Variants in KCNN2 observed in about 807,000 individuals in gnomAD.
KCNN2 encodes small conductance calcium-activated potassium channel protein 2.
A neutral mutation model predicts 55.5 loss-of-function variants in KCNN2; 24 were observed. That is an observed-to-expected ratio of 0.43 (90% CI 0.31 to 0.61). KCNN2 has a LOEUF of 0.61. Among genes scored for constraint, KCNN2 ranks in the 20% least tolerant of loss-of-function variants. The probability of loss-of-function intolerance (pLI) is 0.08; values close to 1 mark genes in which losing one functional copy is unlikely to be tolerated. For missense variants in KCNN2, 754 were observed against 853.6 expected, an observed-to-expected ratio of 0.88 and a Z score of 1.45; for synonymous variants, 431 against 336.1, an observed-to-expected ratio of 1.28 and a Z score of -3.09.
In KCNN2 at chr5:114,312,012, C is replaced by T. The variant is rs1756399099; in HGVS notation, c.-184-48933C>T. Among the ~76,000 whole-genome samples the T allele has an allele frequency of 4.6e-5, 7 of 152,174 alleles. No individual in the cohort carries two copies. The South Asian group carries it at 1.0e-3, about 23-fold the overall frequency. Reference sequence around the variant, plus strand: ...CCAAACCTCACTATGAATTATTTACCTGTTATCCACTTCTTTTCATATCAG... The same window carrying T: ...CCAAACCTCACTATGAATTATTTACTTGTTATCCACTTCTTTTCATATCAG... On this transcript the variant is annotated intron_variant, in intron 2 of 10. Coordinates refer to the KCNN2 transcript ENST00000512097.
At chr5:114,137,519 A>G (rs1421227589) in intron 1 of KCNN2, among the ~76,000 whole-genome samples, 5 of 152,188 alleles carry the variant, frequency 3.3e-5, no homozygotes, top group Non-Finnish European at 5.9e-5. Flanking sequence ...AAAGTTGCCA[A>G]AAAGGGCCTA....
At chr5:114,297,258 C>T (rs1436879958) in intron 2 of KCNN2, among the ~76,000 whole-genome samples, 2 of 152,042 alleles carry the variant, frequency 1.3e-5, no homozygotes, top group African/African-American at 2.4e-5. Flanking sequence ...TTGGAGGTTA[C>T]AGTGAGCTGT....
intron 1 of KCNN2, among the ~76,000 whole-genome samples, chr5:114,085,436 ATT>A (rs370254017): frequency 1.3e-3 from 195 of 151,970 alleles, no homozygotes; most frequent in South Asian, 2.3e-3. Context: ...TAAGTATTTC[ATT>A]TTTTGGTGTT....
At chr5:114,105,264 A>G (rs1040367908) in intron 1 of KCNN2, among the ~76,000 whole-genome samples, 3 of 152,110 alleles carry the variant, frequency 2.0e-5, no homozygotes, top group Non-Finnish European at 2.9e-5. Context: ...ATCCCCATCA[A>G]TATAAATAAC....
At chr5:114,453,521 A>C (rs1490769544) in intron 3 of KCNN2, among the ~76,000 whole-genome samples, 3 of 152,208 alleles carry the variant, frequency 2.0e-5, no homozygotes, top group African/African-American at 7.2e-5. Flanking sequence ...TCTCAGTAGA[A>C]TCTTCCCTTT....
intron 1 of KCNN2, among the ~76,000 whole-genome samples, chr5:114,138,177 G>GAA (rs1395049595): frequency 6.6e-6 from 1 of 152,132 alleles, no homozygotes; most frequent in African/African-American, 2.4e-5. Flanking sequence ...TGAATCCAGT[G>GAA]AAAGTTCTGT....
intron 2 of KCNN2, among the ~76,000 whole-genome samples, chr5:114,402,288 C>T (rs1258923279): frequency 6.6e-6 from 1 of 152,138 alleles, no homozygotes; most frequent in African/African-American, 2.4e-5. Flanking sequence ...TCTTTAGTGA[C>T]CTTAGCAAGG....
intron 1 of KCNN2, among the ~76,000 whole-genome samples, chr5:114,126,731 A>G (rs1270869011): frequency 6.6e-6 from 1 of 152,184 alleles, no homozygotes; most frequent in Non-Finnish European, 1.5e-5. Context: ...TCATTAAGGA[A>G]TTAACTCAAA....
At chr5:114,440,102 C>A (rs142173750) in intron 3 of KCNN2, among the ~76,000 whole-genome samples, 1 of 152,130 alleles carries the variant, frequency 6.6e-6, no homozygotes, top group East Asian at 1.9e-4. Flanking sequence ...ACCATGAATT[C>A]TCTGTTTCTG....
intron 1 of KCNN2, among the ~76,000 whole-genome samples, chr5:114,127,514 C>T (rs908734439): frequency 3.9e-5 from 6 of 152,188 alleles, no homozygotes; most frequent in African/African-American, 1.4e-4. Context: ...CTAGGCTGCA[C>T]ACAGCAGGGG....
At chr5:114,204,569 C>G (rs1753732633) in intron 1 of KCNN2, among the ~76,000 whole-genome samples, 1 of 152,118 alleles carries the variant, frequency 6.6e-6, no homozygotes, top group African/African-American at 2.4e-5. Flanking sequence ...TTTTCCTCTT[C>G]CTGGATTTCC....
chr5:114,071,894 G>A (rs781283929), intron 1 of KCNN2, among the ~76,000 whole-genome samples: 2 of 152,104 alleles, frequency 1.3e-5, no homozygotes, highest in Non-Finnish European at 2.9e-5. Context: ...TGGGAGGTGG[G>A]GCCTCATAAA....
At chr5:114,162,215 C>T (rs553364227) in intron 1 of KCNN2, among the ~76,000 whole-genome samples, 383 of 152,330 alleles carry the variant, frequency 2.5e-3, no homozygotes, top group African/African-American at 8.9e-3. Flanking sequence ...AGTTTTCCTT[C>T]TGACAGTCAG....
rs532332092 is a variant in KCNN2 at position 114,493,510 on chromosome 5, T to C, written c.2088+38T>C. The C allele has an allele frequency of 5.7e-6, 8 of 1,400,904 alleles. No homozygotes were observed. In the African/African-American group the frequency reaches 1.1e-4, roughly 20 times the overall value. The allele number at this position is 1,400,904 out of a possible 1,614,324, so 86.8% of individuals were successfully genotyped here. On this transcript the variant is annotated intron_variant, in intron 7 of 7. Coordinates refer to ENST00000673685, the MANE Select transcript of KCNN2 (RefSeq NM_021614.4). ...TGCTTAGCCCTCCTAGTTGCATCTG[T>C]TGAAATCAACCACTTCACAGTCACT...
chr5:114,203,189 C>T (rs1191467877), intron 1 of KCNN2, among the ~76,000 whole-genome samples: 1 of 152,080 alleles, frequency 6.6e-6, no homozygotes, highest in Non-Finnish European at 1.5e-5. Flanking sequence ...ATTATTAGGT[C>T]TCTAATATTA....
intron 1 of KCNN2, among the ~76,000 whole-genome samples, chr5:114,098,602 C>T (rs528985480): frequency 3.9e-5 from 6 of 151,996 alleles, no homozygotes; most frequent in Non-Finnish European, 8.8e-5. Flanking sequence ...CTCCCCCCTG[C>T]ACAATTCCCC....
At position 114,124,527 on chromosome 5, in the gene KCNN2, A is replaced by T. The variant is rs558129933; in HGVS notation, c.-271+68027A>T. ...AGGGACATTGTGTGTGCCTTGGAGCATCAAAATTATTACAAGTAGAAGCTC... is the reference window on the plus strand; with the variant it reads ...AGGGACATTGTGTGTGCCTTGGAGCTTCAAAATTATTACAAGTAGAAGCTC... On this transcript the variant is annotated intron_variant, in intron 1 of 10. Coordinates refer to the KCNN2 transcript ENST00000512097. Among the ~76,000 whole-genome samples the T allele has an allele frequency of 8.9e-4, 135 of 152,244 alleles. 1 individual carries two copies. Among genetic ancestry groups the T allele is most frequent in the African/African-American group, 3.1e-3 (128 of 41,538 alleles).
intron 1 of KCNN2, among the ~76,000 whole-genome samples, chr5:114,200,796 C>G (rs4705636): frequency 0.43 from 65,851 of 151,736 alleles, 15,076 homozygotes; most frequent in Middle Eastern, 0.55. Flanking sequence ...GGTCAGTGGT[C>G]TCTGTGATTT....
At chr5:114,146,780 A>G (rs997711950) in intron 1 of KCNN2, among the ~76,000 whole-genome samples, 1 of 152,204 alleles carries the variant, frequency 6.6e-6, no homozygotes, top group African/African-American at 2.4e-5. Context: ...TGAGTTGATG[A>G]AATTGTTCTG....
Sources: allele counts gnomAD v4.1 joint callset (sites outside exome capture counted in the v4.1 genomes callset), GRCh38; gene constraint gnomAD v4.1.1; transcripts MANE v1.5; gene names NCBI Gene and HGNC (gene_info 2026-07-23, HGNC 2026-07-21).